Variants in CDHR3 observed in about 807,000 individuals in gnomAD.
CDHR3 encodes cadherin-related family member 3.
Under a neutral mutation model 86.6 loss-of-function variants are expected in CDHR3, and 79 were observed. The observed-to-expected ratio is 0.91, with a 90% CI of 0.76 to 1.10. The LOEUF is 1.10. Among genes scored for constraint, CDHR3 ranks in the 50% least tolerant of loss-of-function variants. The pLI, the probability that CDHR3 is intolerant of heterozygous loss-of-function variation, is 0.00. For synonymous variants in CDHR3, 421 were observed against 402.4 expected (o/e 1.05, Z -0.55); for missense variants, 1,081 against 1,077.6 (o/e 1.00, Z -0.04).
intron 7 of CDHR3, among the ~76,000 whole-genome samples, chr7:106,002,448 GC>G (rs199954377): frequency 0.03 from 4,531 of 152,270 alleles, 151 homozygotes; most frequent in South Asian, 0.17. Context: ...ATTCTTCCTG[GC>G]ATCTCTGTCT....
intron 8 of CDHR3, among the ~76,000 whole-genome samples, chr7:106,007,176 G>A (rs1314113239): frequency 6.6e-6 from 1 of 152,200 alleles, no homozygotes; most frequent in African/African-American, 2.4e-5. Flanking sequence ...CACAAGAGAG[G>A]GACCCAGGGC....
chr7:105,972,313 C>T (rs1341835608), intron 1 of CDHR3, among the ~76,000 whole-genome samples: 1 of 152,084 alleles, frequency 6.6e-6, no homozygotes, highest in African/African-American at 2.4e-5. Flanking sequence ...TTAGTCTATT[C>T]GTTTGGGCTA....
chr7:105,981,081 C>A lies in CDHR3; in HGVS notation c.363C>A (p.Val121=). The change falls in exon 3 of 19, where the codon GTC becomes GTA. Residue 121 remains valine, a synonymous_variant. Coordinates refer to ENST00000317716, the MANE Select transcript of CDHR3 (RefSeq NM_152750.5). ...VGVTDLQVLT[V]QVTDVNEPPQ... ...TCACAGACCTGCAAGTCCTGACTGT[C>A]CAGGTAACAGATGTGAACGAGCCAC... 6.2e-7 allele frequency: 1 copy of A among 1,613,624 alleles called. No homozygotes were observed. Among genetic ancestry groups the A allele is most frequent in the Non-Finnish European group, 8.5e-7 (1 of 1,179,760 alleles).
chr7:105,976,162 T>C (rs943655958), intron 2 of CDHR3, among the ~76,000 whole-genome samples: 1 of 152,218 alleles, frequency 6.6e-6, no homozygotes, highest in Non-Finnish European at 1.5e-5. Context: ...CAGCTTGTCT[T>C]TAACAGCTGC....
intron 2 of CDHR3, among the ~76,000 whole-genome samples, chr7:105,980,338 A>C (rs774633242): frequency 1.3e-5 from 2 of 152,156 alleles, no homozygotes; most frequent in Non-Finnish European, 2.9e-5. Flanking sequence ...CTTACGCGTA[A>C]TATAAGATGT....
intron 2 of CDHR3, among the ~76,000 whole-genome samples, chr7:105,980,758 A>G (rs1167733834): frequency 6.6e-6 from 1 of 152,040 alleles, no homozygotes; most frequent in Non-Finnish European, 1.5e-5. Flanking sequence ...TAGGAAACGC[A>G]GCATCACATG....
chr7:106,009,372 T>G (rs999371616), intron 8 of CDHR3, among the ~76,000 whole-genome samples: 5 of 152,302 alleles, frequency 3.3e-5, no homozygotes, highest in Admixed American at 2.6e-4. Context: ...TGAGAAGCCC[T>G]GACCTGCAGC....
At chr7:106,019,126 C>A (rs1037687616) in intron 12 of CDHR3, among the ~76,000 whole-genome samples, 5 of 152,196 alleles carry the variant, frequency 3.3e-5, no homozygotes, top group African/African-American at 1.2e-4. Context: ...CAGCCATAGA[C>A]AAAGATTGGT....
Position 106,035,390 on chromosome 7 carries a change from A to T in CDHR3, c.*2693A>T, listed in dbSNP as rs1390711792. On this transcript the variant is annotated 3_prime_UTR_variant, in exon 19 of 19. Coordinates refer to ENST00000317716, the MANE Select transcript of CDHR3 (RefSeq NM_152750.5). The stretch of plus-strand genomic sequence containing the variant: ...CCCCGTTTCTTTTGTATATCCGGCT[A>T]TTTGGTTCGGGGAAATCCAGAAGTC... Among the ~76,000 whole-genome samples the T allele has an allele frequency of 6.6e-6, 1 of 152,208 alleles. No homozygotes were observed. Among genetic ancestry groups the T allele is most frequent in the Non-Finnish European group, 1.5e-5 (1 of 68,036 alleles).
chr7:105,996,420 C>A, intron 6 of CDHR3, 66 bp downstream of exon 6: 1 of 838,818 alleles, frequency 1.2e-6, no homozygotes, highest in Non-Finnish European at 2.0e-6. Flanking sequence ...GCCTCGTCTC[C>A]TCCGGCACAT....
chr7:105,997,333 TCA>T (rs1446190623), intron 6 of CDHR3, among the ~76,000 whole-genome samples: 5 of 152,160 alleles, frequency 3.3e-5, no homozygotes, highest in Non-Finnish European at 4.4e-5. Flanking sequence ...GTTGCAGGTG[TCA>T]AAGAATGCGT....
chr7:105,994,943 G>A (rs898996734), intron 5 of CDHR3, 98 bp downstream of exon 5: 2 of 895,482 alleles, frequency 2.2e-6, no homozygotes, highest in Non-Finnish European at 3.6e-6. Context: ...CAGCTGGGGG[G>A]AGCCCCTTGA....
chr7:106,012,288 G>A (rs1563284196), intron 8 of CDHR3, among the ~76,000 whole-genome samples: 2 of 152,080 alleles, frequency 1.3e-5, no homozygotes, highest in Non-Finnish European at 2.9e-5. Flanking sequence ...AGGGGAATAG[G>A]AGAGGAAGTA....
chr7:105,995,770 C>T (rs548385122), intron 5 of CDHR3, among the ~76,000 whole-genome samples: 16 of 152,032 alleles, frequency 1.1e-4, no homozygotes, highest in Non-Finnish European at 2.4e-4. Flanking sequence ...TTCTCAGACC[C>T]CATCTTGTTT....
intron 8 of CDHR3, among the ~76,000 whole-genome samples, chr7:106,005,203 T>C (rs1341405104): frequency 1.3e-5 from 2 of 152,286 alleles, no homozygotes; most frequent in East Asian, 1.9e-4. Context: ...CACAACTTAA[T>C]TGAATATAAA....
chr7:105,977,567 T>G (rs1456552095), intron 2 of CDHR3, among the ~76,000 whole-genome samples: 1 of 152,204 alleles, frequency 6.6e-6, no homozygotes, highest in Non-Finnish European at 1.5e-5. Flanking sequence ...GTTTCACAAG[T>G]CATGAAGCTG....
rs10239075 is a variant in CDHR3, at chr7:106,021,702, C to T, written c.1826-496C>T. Among the ~76,000 whole-genome samples, 475 of 152,328 alleles carry T rather than the reference C, an allele frequency of 3.1e-3. 2 individuals carry two copies. Among genetic ancestry groups the T allele is most frequent in the African/African-American group, 0.011 (445 of 41,568 alleles). The stretch of plus-strand genomic sequence containing the variant: ...CCAGGAGGCACCTTCCTTTGGAGGA[C>T]TCCAGGGACAGCCATAACCAGTGTG... On this transcript the variant is annotated intron_variant, in intron 13 of 18. Coordinates refer to ENST00000317716, the MANE Select transcript of CDHR3 (RefSeq NM_152750.5).
intron 6 of CDHR3, among the ~76,000 whole-genome samples, chr7:105,998,971 T>C (rs1181366332): frequency 6.6e-6 from 1 of 152,244 alleles, no homozygotes; most frequent in Non-Finnish European, 1.5e-5. Context: ...GGCAGTGTCA[T>C]GCACACCTTG....
chr7:106,013,959 T>G (rs1835189685), intron 9 of CDHR3, among the ~76,000 whole-genome samples: 1 of 152,140 alleles, frequency 6.6e-6, no homozygotes, highest in Non-Finnish European at 1.5e-5. Context: ...AGGTATTTTT[T>G]ATTTTTATTA....
Sources: allele counts gnomAD v4.1 joint callset (sites outside exome capture counted in the v4.1 genomes callset), GRCh38; gene constraint gnomAD v4.1.1; transcripts MANE v1.5; gene names NCBI Gene and HGNC (gene_info 2026-07-23, HGNC 2026-07-21).